Variants in PCSK2 observed in about 807,000 individuals in gnomAD.
PCSK2 encodes neuroendocrine convertase 2.
In PCSK2, 14 loss-of-function variants were observed where a neutral mutation model predicts 69.7. That is an observed-to-expected ratio of 0.20 (90% CI 0.13 to 0.31). PCSK2 has a LOEUF of 0.31. Among genes scored for constraint, PCSK2 ranks in the 10% least tolerant of loss-of-function variants. The pLI, the probability that PCSK2 is intolerant of heterozygous loss-of-function variation, is 1.00. For missense variants in PCSK2, 544 were observed against 842.5 expected, an observed-to-expected ratio of 0.65 and a Z score of 4.39; for synonymous variants, 307 against 320.7, an observed-to-expected ratio of 0.96 and a Z score of 0.46.
At chr20:17,343,903 C>T (rs1305749971) in intron 2 of PCSK2, among the ~76,000 whole-genome samples, 1 of 152,204 alleles carries the variant, frequency 6.6e-6, no homozygotes, top group Non-Finnish European at 1.5e-5. Flanking sequence ...CTGCTGACAC[C>T]CTGCTTTTAG....
At chr20:17,374,361 G>A (rs113468078) in intron 5 of PCSK2, among the ~76,000 whole-genome samples, 174 of 152,310 alleles carry the variant, frequency 1.1e-3, no homozygotes, top group Non-Finnish European at 1.9e-3. Context: ...GTTCTGTTAG[G>A]TCTATGGAAC....
intron 2 of PCSK2, among the ~76,000 whole-genome samples, chr20:17,284,664 G>T (rs528135731): frequency 6.6e-6 from 1 of 152,152 alleles, no homozygotes; most frequent in Non-Finnish European, 1.5e-5. Context: ...TTTGTTGCCC[G>T]ATGTGCATGG....
intron 5 of PCSK2, among the ~76,000 whole-genome samples, chr20:17,380,219 C>T (rs1165493110): frequency 6.6e-6 from 1 of 152,202 alleles, no homozygotes; most frequent in African/African-American, 2.4e-5. Context: ...CTAATACAAC[C>T]TTCTTGATTA....
intron 7 of PCSK2, among the ~76,000 whole-genome samples, chr20:17,431,126 G>C (rs1284963052): frequency 1.3e-5 from 2 of 152,160 alleles, no homozygotes; most frequent in South Asian, 2.1e-4. Context: ...CCGGAAGCCA[G>C]AGTGAGGGAG....
At chr20:17,473,274 A>C (rs906407992) in intron 11 of PCSK2, among the ~76,000 whole-genome samples, 1 of 151,918 alleles carries the variant, frequency 6.6e-6, no homozygotes, top group African/African-American at 2.4e-5. Flanking sequence ...TTGTGTTTTT[A>C]GTAGAGACGG....
intron 1 of PCSK2, among the ~76,000 whole-genome samples, chr20:17,257,176 C>T (rs556753740): frequency 6.6e-6 from 1 of 152,222 alleles, no homozygotes; most frequent in East Asian, 1.9e-4. Context: ...AAAAAAAATG[C>T]ACCACCACTG....
At chr20:17,279,878 G>T (rs1167697819) in intron 2 of PCSK2, among the ~76,000 whole-genome samples, 1 of 150,232 alleles carries the variant, frequency 6.7e-6, no homozygotes, top group African/African-American at 2.4e-5. Flanking sequence ...TTGAAGTGTT[G>T]ATTCAATAAG....
Position 17,347,950 on chromosome 20 carries a change from AAGAAAGAAAG to A in PCSK2, c.283-10365_283-10356del, listed in dbSNP as rs1292371953. Among the ~76,000 whole-genome samples, 81 of 70,466 alleles carry A rather than the reference AAGAAAGAAAG, an allele frequency of 1.1e-3. 4 individuals are homozygous for A. The highest frequency in any genetic ancestry group is 3.2e-3 in the African/African-American group (78 of 24,226). 46.2% of individuals were successfully genotyped at this position (70,466 alleles called of 152,430 possible). A position where few individuals can be genotyped will look rare whatever the true frequency, so the allele number is the denominator to read the frequency against. On this transcript the variant is annotated intron_variant, in intron 2 of 11. Coordinates refer to ENST00000262545, the MANE Select transcript of PCSK2 (RefSeq NM_002594.5). ...GAGAAAAAAGAGAAAGAAAGAAAGA[AAGAAAGAAAG>A]AGAAAGAAAGAAAGAAAGAAAGAGG...
chr20:17,237,099 A>G (rs1315311194), intron 1 of PCSK2, among the ~76,000 whole-genome samples: 1 of 152,184 alleles, frequency 6.6e-6, no homozygotes, highest in Non-Finnish European at 1.5e-5. Context: ...TTGAGAGGTG[A>G]GAGAAATGGA....
chr20:17,392,597 T>A (rs190546599), intron 5 of PCSK2, among the ~76,000 whole-genome samples: 1,936 of 152,280 alleles, frequency 0.013, 17 homozygotes, highest in Non-Finnish European at 0.019. Context: ...CTGCCCCTTT[T>A]CCCACTCGCA....
Position 17,368,029 on chromosome 20 carries a change from G to A in PCSK2, c.506-1211G>A, listed in dbSNP as rs151181070. ...AACAGTGAAACCTAACACACGTACCGTAGATTAGTGACTCTCAGTCCAGTT... is the reference window on the plus strand; with the variant it reads ...AACAGTGAAACCTAACACACGTACCATAGATTAGTGACTCTCAGTCCAGTT... On this transcript the variant is annotated intron_variant, in intron 4 of 11. Coordinates refer to ENST00000262545, the MANE Select transcript of PCSK2 (RefSeq NM_002594.5). Among the ~76,000 whole-genome samples, 334 of 152,114 alleles carry A rather than the reference G, an allele frequency of 2.2e-3. 1 individual carries two copies. Among genetic ancestry groups the A allele is most frequent in the Admixed American group, 5.3e-3 (81 of 15,278 alleles).
intron 2 of PCSK2, among the ~76,000 whole-genome samples, chr20:17,333,109 GAC>G (rs1990246594): frequency 4.6e-5 from 7 of 152,000 alleles, no homozygotes; most frequent in Admixed American, 4.6e-4. Context: ...AAGAGAAAGT[GAC>G]TGTTTCTAGG....
intron 2 of PCSK2, among the ~76,000 whole-genome samples, chr20:17,275,897 C>T (rs758566433): frequency 4.6e-5 from 7 of 152,198 alleles, no homozygotes; most frequent in Non-Finnish European, 7.4e-5. Flanking sequence ...CACTCACTTG[C>T]CAGTTACATA....
At chr20:17,248,449 T>C (rs1356892236) in intron 1 of PCSK2, among the ~76,000 whole-genome samples, 1 of 152,164 alleles carries the variant, frequency 6.6e-6, no homozygotes, top group Non-Finnish European at 1.5e-5. Context: ...AGCATCTGTC[T>C]TTCTCTCCCT....
intron 2 of PCSK2, among the ~76,000 whole-genome samples, chr20:17,282,504 C>A (rs1323299306): frequency 6.6e-6 from 1 of 152,022 alleles, no homozygotes; most frequent in Non-Finnish European, 1.5e-5. Context: ...CTTACTCAAG[C>A]AAAGAAAGAG....
intron 2 of PCSK2, among the ~76,000 whole-genome samples, chr20:17,310,025 C>T (rs1022076411): frequency 4.0e-5 from 6 of 151,854 alleles, no homozygotes; most frequent in African/African-American, 1.5e-4. Context: ...TGGAAGCTTC[C>T]AATCATGGCG....
chr20:17,447,247 G>T (rs1208181924), intron 8 of PCSK2, among the ~76,000 whole-genome samples: 1 of 146,272 alleles, frequency 6.8e-6, no homozygotes, highest in Non-Finnish European at 1.5e-5. Context: ...CTCCAGCCTG[G>T]GTGACAGAGC....
At chr20:17,391,503 A>C (rs1173543601) in intron 5 of PCSK2, among the ~76,000 whole-genome samples, 1 of 152,216 alleles carries the variant, frequency 6.6e-6, no homozygotes, top group Non-Finnish European at 1.5e-5. Context: ...CAATTACTGT[A>C]ATTAACCAGA....
At chr20:17,305,220 T>C (rs538652489) in intron 2 of PCSK2, among the ~76,000 whole-genome samples, 54 of 152,340 alleles carry the variant, frequency 3.5e-4, no homozygotes, top group African/African-American at 1.2e-3. Context: ...GTATAAATAA[T>C]ATTAAACAGA....
Sources: gnomAD v4.1 joint callset for allele counts (sites outside exome capture counted in the v4.1 genomes callset) on GRCh38, gnomAD v4.1.1 for gene constraint, MANE v1.5 for transcripts, NCBI Gene and HGNC (gene_info 2026-07-23, HGNC 2026-07-21) for gene names.